The following MAP2K5 variants were observed in gnomAD, a reference collection of about 807,000 sequenced individuals.
MAP2K5 encodes mitogen-activated protein kinase kinase 5.
In MAP2K5, 49 loss-of-function variants were observed where a neutral mutation model predicts 83.1. The observed-to-expected ratio is 0.59, with a 90% CI of 0.47 to 0.75. The LOEUF is 0.75. Among genes scored for constraint, MAP2K5 ranks in the 30% least tolerant of loss-of-function variants. The probability of loss-of-function intolerance (pLI) is 0.00; values close to 1 mark genes in which losing one functional copy is unlikely to be tolerated. For synonymous variants in MAP2K5, 202 were observed against 191.8 expected (o/e 1.05, Z -0.44); for missense variants, 457 against 557.5 (o/e 0.82, Z 1.82).
At chr15:67,629,747 T>C (rs994990873) in intron 8 of MAP2K5, among the ~76,000 whole-genome samples, 2 of 152,218 alleles carry the variant, frequency 1.3e-5, no homozygotes, top group African/African-American at 2.4e-5. Context: ...TATAAAATCC[T>C]CTATAGGGCA....
intron 17 of MAP2K5, among the ~76,000 whole-genome samples, chr15:67,735,452 T>G (rs1241119350): frequency 6.6e-6 from 1 of 152,244 alleles, no homozygotes; most frequent in Non-Finnish European, 1.5e-5. Flanking sequence ...ACATCTCAAT[T>G]CAACATTATT....
At chr15:67,705,975 A>G (rs1052838256) in intron 16 of MAP2K5, among the ~76,000 whole-genome samples, 5 of 152,180 alleles carry the variant, frequency 3.3e-5, no homozygotes, top group African/African-American at 9.6e-5. Flanking sequence ...CAGGGCAAAT[A>G]TAGCCTTGTA....
Position 67,736,202 on chromosome 15 carries a change from T to C in MAP2K5, c.1074+8257T>C, listed in dbSNP as rs2089338043. ...TGTAGCAGGGACCAGATAAAGAAAT[T>C]GGGTTTGAGAATTTTGTACATCCCC... On this transcript the variant is annotated intron_variant, in intron 17 of 21. Coordinates refer to ENST00000178640, the MANE Select transcript of MAP2K5 (RefSeq NM_145160.3). This position sits in a 1 kb window ranked among gnomAD's most constrained non-coding sequence, Gnocchi z 4.3. 1.3e-5 allele frequency among the ~76,000 whole-genome samples: 2 copies of C among 152,046 alleles called. No individual in the cohort carries two copies. Among genetic ancestry groups the C allele is most frequent in the Non-Finnish European group, 2.9e-5 (2 of 68,004 alleles).
rs2090081437 is a variant in MAP2K5 at position 67,768,386 on chromosome 15, A to G, written c.1135-1216A>G. Among the ~76,000 whole-genome samples the G allele has an allele frequency of 6.6e-6, 1 of 152,164 alleles. No homozygotes were observed. Among genetic ancestry groups the G allele is most frequent in the South Asian group, 2.1e-4 (1 of 4,824 alleles). On this transcript the variant is annotated intron_variant, in intron 19 of 21. Transcript: ENST00000178640. This position sits in a 1 kb window ranked among gnomAD's most constrained non-coding sequence, Gnocchi z 4.0. ...TCAAAGCTATTTCCTCTCGTTCTCA[A>G]TAATGAATACATGCATGCATTTGAC...
At chr15:67,583,771 T>TTTA (rs1311957885) in intron 4 of MAP2K5, among the ~76,000 whole-genome samples, 8 of 75,272 alleles carry the variant, frequency 1.1e-4, no homozygotes, top group African/African-American at 3.7e-4. Flanking sequence ...TTATTTATTT[T>TTTA]GGAGACAGAG....
Position 67,636,561 on chromosome 15 carries a change from T to C in MAP2K5, c.585+5634T>C, listed in dbSNP as rs2086608213. ...TTTTTCACTTTTTTTTCATATCTTA[T>C]AATTTTTTTTAAGTGAAAAGCAAGT... is the stretch of plus-strand genomic sequence containing the variant. On this transcript the variant is annotated intron_variant, in intron 9 of 21. Transcript: ENST00000178640. The surrounding 1 kb of genome is among the most constrained non-coding windows in gnomAD (Gnocchi z 4.7). 6.6e-6 allele frequency among the ~76,000 whole-genome samples: 1 copy of C among 152,160 alleles called. No homozygotes were observed. Among genetic ancestry groups the C allele is most frequent in the Non-Finnish European group, 1.5e-5 (1 of 68,024 alleles).
At chr15:67,806,525 C>T (rs1023327327) in intron 21 of MAP2K5, 121 bp from the exon 22 acceptor site, 8 of 840,270 alleles carry the variant, frequency 9.5e-6, no homozygotes, top group South Asian at 3.6e-5. Flanking sequence ...TAGCCTCCCT[C>T]GTTACCTCAC....
In MAP2K5 at chr15:67,555,598, C is replaced by G. The variant is rs941401660; in HGVS notation, c.184+5516C>G. 6.6e-6 allele frequency among the ~76,000 whole-genome samples: 1 copy of G among 152,212 alleles called. No individual in the cohort carries two copies. Among genetic ancestry groups the G allele is most frequent in the Non-Finnish European group, 1.5e-5 (1 of 68,050 alleles). On this transcript the variant is annotated intron_variant, in intron 2 of 21. Coordinates refer to ENST00000178640, the MANE Select transcript of MAP2K5 (RefSeq NM_145160.3). The surrounding 1 kb of genome is among the most constrained non-coding windows in gnomAD (Gnocchi z 5.2). The stretch of plus-strand genomic sequence containing the variant: ...CACCAAAAGGTAGAACCAATCTACA[C>G]TCACACCAACAAGGTATGAGAAGGC...
rs2090366492 is a variant in MAP2K5, at chr15:67,783,597, T to G, written c.1242+10845T>G. Among the ~76,000 whole-genome samples the G allele has an allele frequency of 6.6e-6, 1 of 152,230 alleles. No individual in the cohort carries two copies. The highest frequency in any genetic ancestry group is 1.5e-5 in the Non-Finnish European group (1 of 68,036). On this transcript the variant is annotated intron_variant, in intron 21 of 21. Coordinates refer to ENST00000178640, the MANE Select transcript of MAP2K5 (RefSeq NM_145160.3). The surrounding 1 kb of genome is among the most constrained non-coding windows in gnomAD (Gnocchi z 5.1). ...GTGCACTCGTCACGCTTTGTGGCAGTAACTTGTGGTAACAGTCAATAAAAG... is the reference window on the plus strand; with the variant it reads ...GTGCACTCGTCACGCTTTGTGGCAGGAACTTGTGGTAACAGTCAATAAAAG...
At chr15:67,671,196 TTGA>T (rs1386877312) in intron 13 of MAP2K5, among the ~76,000 whole-genome samples, 2 of 152,118 alleles carry the variant, frequency 1.3e-5, no homozygotes, top group Non-Finnish European at 2.9e-5. Flanking sequence ...GTGTGACCTG[TTGA>T]TAAGGTGGGG....
rs144354941 is a variant in MAP2K5 at position 67,683,208 on chromosome 15, A to G, written c.848-9271A>G. On this transcript the variant is annotated intron_variant, in intron 13 of 21. Transcript: ENST00000178640. Reference sequence around the variant, plus strand: ...CCTTGAAGTAATAAGTTCAGTGGCTATATACTAGGATTGTTGATACTTTGG... The same window carrying G: ...CCTTGAAGTAATAAGTTCAGTGGCTGTATACTAGGATTGTTGATACTTTGG... Among the ~76,000 whole-genome samples, 1,054 of 152,322 alleles carry G rather than the reference A, an allele frequency of 6.9e-3. 8 individuals carry two copies. Among genetic ancestry groups the G allele is most frequent in the Middle Eastern group, 0.027 (8 of 294 alleles).
At chr15:67,654,456 T>A (rs1193245674) in intron 11 of MAP2K5, among the ~76,000 whole-genome samples, 1 of 152,168 alleles carries the variant, frequency 6.6e-6, no homozygotes, top group Non-Finnish European at 1.5e-5. Context: ...CAGCATATAG[T>A]TGGATCATTT....
chr15:67,740,462 C>T (rs990224327), intron 17 of MAP2K5, among the ~76,000 whole-genome samples: 2 of 152,136 alleles, frequency 1.3e-5, no homozygotes, highest in South Asian at 4.2e-4. Context: ...CACATGGGCA[C>T]ACACCTGTAG....
chr15:67,597,399 C>T (rs370004847), intron 7 of MAP2K5, among the ~76,000 whole-genome samples: 41 of 152,118 alleles, frequency 2.7e-4, no homozygotes, highest in African/African-American at 7.2e-4. Context: ...TACTTAATAC[C>T]GGAGACAAAC....
chr15:67,756,970 A>G (rs867755338), intron 19 of MAP2K5, among the ~76,000 whole-genome samples: 6 of 152,080 alleles, frequency 3.9e-5, no homozygotes, highest in Admixed American at 6.5e-5. Context: ...TTGTCTTCCT[A>G]TCTTGGCTAT....
intron 3 of MAP2K5, among the ~76,000 whole-genome samples, chr15:67,564,935 G>A (rs1395591532): frequency 1.3e-5 from 2 of 152,146 alleles, no homozygotes; most frequent in African/African-American, 4.8e-5. Context: ...AGTGGGTGTG[G>A]TCACAGTGAT....
intron 2 of MAP2K5, among the ~76,000 whole-genome samples, chr15:67,551,611 A>C (rs1212621168): frequency 6.6e-6 from 1 of 151,990 alleles, no homozygotes; most frequent in African/African-American, 2.4e-5. Context: ...GGGATTATAG[A>C]TGTCAGCCAC....
intron 17 of MAP2K5, among the ~76,000 whole-genome samples, chr15:67,735,863 T>C (rs1388049321): frequency 1.3e-5 from 2 of 152,184 alleles, no homozygotes; most frequent in Non-Finnish European, 2.9e-5. Context: ...GCAGCTTTGC[T>C]ATTATCTCTC....
chr15:67,543,124 A>C lies in MAP2K5; in HGVS notation c.-212A>C. ...CTTCCCGGTGCACCCTCCCCGGGAG[A>C]CACCTCAGACCCCCGACAGCCTGGG... is the stretch of plus-strand genomic sequence containing the variant. On this transcript the variant is annotated 5_prime_UTR_variant, in exon 1 of 22. Transcript: ENST00000178640. The surrounding 1 kb of genome is among the most constrained non-coding windows in gnomAD (Gnocchi z 4.3). 1 of 574,884 alleles carries C rather than the reference A, an allele frequency of 1.7e-6. No individual in the cohort carries two copies. The highest frequency in any genetic ancestry group is 3.1e-6 in the Non-Finnish European group (1 of 321,128). 35.6% of individuals were successfully genotyped at this position (574,884 alleles called of 1,614,324 possible).
Sources: allele counts gnomAD v4.1 joint callset (sites outside exome capture counted in the v4.1 genomes callset), GRCh38; gene constraint gnomAD v4.1.1; non-coding constraint Gnocchi (gnomAD v3.1); transcripts MANE v1.5; gene names NCBI Gene and HGNC (gene_info 2026-07-23, HGNC 2026-07-21).